NLGN1: variants seen among roughly 807,000 people sequenced by gnomAD.
The protein encoded by NLGN1 is neuroligin-1.
A neutral mutation model predicts 65.5 loss-of-function variants in NLGN1; 12 were observed. The ratio of observed to expected loss-of-function variants is 0.18; its 90% CI spans 0.12 to 0.30. The LOEUF (loss-of-function observed/expected upper bound fraction) is 0.30. NLGN1 is among the 10% of genes least tolerant of loss of function. The probability of loss-of-function intolerance (pLI) is 1.00; values close to 1 mark genes in which losing one functional copy is unlikely to be tolerated. For missense variants in NLGN1, 750 were observed against 1,007.1 expected, an observed-to-expected ratio of 0.74 and a Z score of 3.46; for synonymous variants, 350 against 359.5, an observed-to-expected ratio of 0.97 and a Z score of 0.30.
At chr3:174,123,254 A>C (rs1718156926) in intron 4 of NLGN1, among the ~76,000 whole-genome samples, 1 of 152,172 alleles carries the variant, frequency 6.6e-6, no homozygotes, top group Non-Finnish European at 1.5e-5. Flanking sequence ...AGGCAGAAAA[A>C]TTAATGGCCA....
chr3:173,765,951 G>T (rs1395511641), intron 3 of NLGN1, among the ~76,000 whole-genome samples: 2 of 152,024 alleles, frequency 1.3e-5, no homozygotes, highest in African/African-American at 4.8e-5. Flanking sequence ...TGTAGGTCAT[G>T]CTCATGGTTA....
intron 4 of NLGN1, among the ~76,000 whole-genome samples, chr3:174,271,090 A>G (rs753136409): frequency 1.3e-4 from 20 of 151,800 alleles, no homozygotes; most frequent in Non-Finnish European, 2.1e-4. Flanking sequence ...AACACTGCAA[A>G]TTTCTTTTCT....
intron 3 of NLGN1, among the ~76,000 whole-genome samples, chr3:173,728,548 T>A (rs1275765209): frequency 6.6e-6 from 1 of 152,032 alleles, no homozygotes; most frequent in East Asian, 1.9e-4. Flanking sequence ...ACCCCACACC[T>A]CAAAATGTGA....
intron 3 of NLGN1, among the ~76,000 whole-genome samples, chr3:173,679,710 A>G (rs890765534): frequency 6.6e-6 from 1 of 152,120 alleles, no homozygotes; most frequent in Non-Finnish European, 1.5e-5. Context: ...TTCAAGAGTG[A>G]GTTAATTCTA....
intron 4 of NLGN1, among the ~76,000 whole-genome samples, chr3:174,092,797 A>T (rs1163666074): frequency 6.6e-6 from 1 of 152,204 alleles, no homozygotes; most frequent in Non-Finnish European, 1.5e-5. Flanking sequence ...TGAACATTCA[A>T]CTTAATGATT....
At chr3:174,047,661 C>A (rs185193639) in intron 4 of NLGN1, among the ~76,000 whole-genome samples, 1 of 151,784 alleles carries the variant, frequency 6.6e-6, no homozygotes, top group African/African-American at 2.4e-5. Context: ...CATAGTAATA[C>A]GTGTTAAGTA....
chr3:173,567,979 T>TA (rs1743971409), intron 2 of NLGN1, among the ~76,000 whole-genome samples: 2 of 152,088 alleles, frequency 1.3e-5, no homozygotes, highest in South Asian at 4.1e-4. Flanking sequence ...ATTTGACAAA[T>TA]AAAAATGTAT....
At chr3:174,030,847 A>G (rs1729872468) in intron 4 of NLGN1, among the ~76,000 whole-genome samples, 1 of 152,180 alleles carries the variant, frequency 6.6e-6, no homozygotes, top group African/African-American at 2.4e-5. Context: ...TCAGGACATT[A>G]CCAAATTAGA....
At chr3:174,088,374 T>A (rs1160148027) in intron 4 of NLGN1, among the ~76,000 whole-genome samples, 1 of 152,176 alleles carries the variant, frequency 6.6e-6, no homozygotes, top group African/African-American at 2.4e-5. Flanking sequence ...CCCATTTTAC[T>A]GCCTTTATTG....
At chr3:174,154,492 C>CA (rs1426022172) in intron 4 of NLGN1, among the ~76,000 whole-genome samples, 1 of 151,912 alleles carries the variant, frequency 6.6e-6, no homozygotes, top group Admixed American at 6.6e-5. Context: ...AATATTACTA[C>CA]AAGGAATTTT....
intron 4 of NLGN1, among the ~76,000 whole-genome samples, chr3:174,189,536 G>A (rs538906695): frequency 1.4e-4 from 22 of 151,998 alleles, no homozygotes; most frequent in African/African-American, 5.1e-4. Context: ...TATATAATGT[G>A]AAAATATTTG....
At chr3:173,457,857 A>G (rs914756381) in intron 2 of NLGN1, among the ~76,000 whole-genome samples, 2 of 152,126 alleles carry the variant, frequency 1.3e-5, no homozygotes, top group Non-Finnish European at 2.9e-5. Context: ...CATTTATGCA[A>G]GAGTGAAAGC....
chr3:173,408,211 T>G (rs1171554495), intron 1 of NLGN1, among the ~76,000 whole-genome samples: 1 of 152,162 alleles, frequency 6.6e-6, no homozygotes, highest in Non-Finnish European at 1.5e-5. Flanking sequence ...ACAATATGTC[T>G]TCTTTTCCAT....
chr3:173,826,051 C>A (rs1158241388), intron 4 of NLGN1, among the ~76,000 whole-genome samples: 1 of 152,072 alleles, frequency 6.6e-6, no homozygotes, highest in South Asian at 2.1e-4. Flanking sequence ...ACTAAAAGTG[C>A]ATTAGCTGTG....
intron 4 of NLGN1, among the ~76,000 whole-genome samples, chr3:173,830,995 C>T (rs548362501): frequency 5.9e-5 from 9 of 152,286 alleles, no homozygotes; most frequent in Admixed American, 2.6e-4. Flanking sequence ...ATAGGGAGAT[C>T]GCTTCAGATT....
chr3:173,807,979 A>G (rs1400001963), intron 4 of NLGN1, 147 bp downstream of exon 4: 3 of 691,028 alleles, frequency 4.3e-6, no homozygotes, highest in Non-Finnish European at 4.9e-6. Context: ...TATAGTTTCA[A>G]TGAATTCTAT....
At chr3:173,677,987 G>A (rs986557753) in intron 3 of NLGN1, among the ~76,000 whole-genome samples, 1 of 152,104 alleles carries the variant, frequency 6.6e-6, no homozygotes, top group African/African-American at 2.4e-5. Context: ...AGTTTCTGGT[G>A]CAATTTTCTT....
At position 173,401,004 on chromosome 3, in the gene NLGN1, G is replaced by A. The variant is rs972152422; in HGVS notation, c.-390+2517G>A. Among the ~76,000 whole-genome samples the A allele has an allele frequency of 2.6e-5, 4 of 151,960 alleles. No homozygotes were observed. In the East Asian group the frequency reaches 7.7e-4, roughly 29 times the overall value. ...TATCTCGAAACCTTTCTTCTCATGG[G>A]CACAAGGTCACTGATGTGCCTCCAA... On this transcript the variant is annotated intron_variant, in intron 1 of 6. Transcript: ENST00000457714.
chr3:173,602,100 A>T (rs1750637199), intron 2 of NLGN1, among the ~76,000 whole-genome samples: 1 of 152,044 alleles, frequency 6.6e-6, no homozygotes, highest in African/African-American at 2.4e-5. Context: ...CCAAGGTAAA[A>T]ATTAACCTCT....
Sources: allele counts gnomAD v4.1 joint callset (sites outside exome capture counted in the v4.1 genomes callset), GRCh38; gene constraint gnomAD v4.1.1; transcripts MANE v1.5; gene names NCBI Gene and HGNC (gene_info 2026-07-23, HGNC 2026-07-21).